The following DOCK1 variants were observed in gnomAD, a reference collection of about 807,000 sequenced individuals.
DOCK1 encodes dedicator of cytokinesis 1, also known as dedicator of cytokinesis protein 1.
A neutral mutation model predicts 262.7 loss-of-function variants in DOCK1; 138 were observed. The observed-to-expected ratio is 0.53, with a 90% CI of 0.46 to 0.61. The LOEUF (loss-of-function observed/expected upper bound fraction) is 0.61. Ranked by LOEUF, DOCK1 falls within the 20% of genes least tolerant of loss-of-function variation. The probability of loss-of-function intolerance (pLI) is 0.00; values close to 1 mark genes in which losing one functional copy is unlikely to be tolerated. For synonymous variants in DOCK1, 866 were observed against 867.4 expected, an observed-to-expected ratio of 1.00 and a Z score of 0.03; for missense variants, 1,908 against 2,370.7, an observed-to-expected ratio of 0.80 and a Z score of 4.05.
chr10:127,202,274 G>T (rs1019934612), intron 27 of DOCK1, among the ~76,000 whole-genome samples: 2 of 151,774 alleles, frequency 1.3e-5, no homozygotes, highest in Non-Finnish European at 2.9e-5. Context: ...AGTGAGCCAA[G>T]ATCGCGCCAT....
At chr10:126,932,732 C>T (rs1003076638) in intron 1 of DOCK1, among the ~76,000 whole-genome samples, 6 of 152,170 alleles carry the variant, frequency 3.9e-5, no homozygotes, top group South Asian at 2.1e-4. Context: ...TAGAGGTGGG[C>T]GCACTGGGCC....
chr10:127,393,225 T>A (rs986874030), intron 38 of DOCK1, among the ~76,000 whole-genome samples: 22 of 152,280 alleles, frequency 1.4e-4, no homozygotes, highest in African/African-American at 5.1e-4. Flanking sequence ...AGACCTCAGT[T>A]AAGCTTGGAG....
chr10:127,003,169 T>C (rs910334104), intron 10 of DOCK1, among the ~76,000 whole-genome samples: 5 of 152,104 alleles, frequency 3.3e-5, no homozygotes, highest in African/African-American at 1.2e-4. Context: ...CGTGAACCTG[T>C]GTGAACCTCT....
intron 16 of DOCK1, among the ~76,000 whole-genome samples, chr10:127,030,162 G>A (rs369685844): frequency 1.3e-5 from 2 of 152,148 alleles, no homozygotes; most frequent in African/African-American, 4.8e-5. Context: ...GTGGACTCAA[G>A]GCGGGTGGAT....
intron 27 of DOCK1, among the ~76,000 whole-genome samples, chr10:127,168,470 G>A (rs1439188641): frequency 6.6e-6 from 1 of 152,228 alleles, no homozygotes; most frequent in African/African-American, 2.4e-5. Flanking sequence ...TTTCTGTGAT[G>A]CATCTGGCCA....
chr10:127,035,539 G>A (rs2043538757), intron 18 of DOCK1, among the ~76,000 whole-genome samples: 1 of 152,088 alleles, frequency 6.6e-6, no homozygotes, highest in Non-Finnish European at 1.5e-5. Context: ...ATTGGACTTT[G>A]TCTCAAACTT....
At chr10:127,321,493 A>G (rs2062526060) in intron 29 of DOCK1, among the ~76,000 whole-genome samples, 1 of 149,902 alleles carries the variant, frequency 6.7e-6, no homozygotes, top group Non-Finnish European at 1.5e-5. Context: ...GGATTTCTTT[A>G]TAAGTGGACT....
intron 1 of DOCK1, among the ~76,000 whole-genome samples, chr10:126,929,128 A>G (rs922922732): frequency 2.6e-5 from 4 of 152,348 alleles, no homozygotes; most frequent in Non-Finnish European, 4.4e-5. Flanking sequence ...TGATTCTGCA[A>G]TCCAGGATCA....
Position 127,175,133 on chromosome 10 carries a change from G to T in DOCK1, c.2847+47369G>T. ...AAATGCTGGCTTTAGTCTCATTACA[G>T]ACTTGGGTTTGGGGCTACAGATGGA... On this transcript the variant is annotated intron_variant, in intron 27 of 51. Transcript: ENST00000623213. This position sits in a 1 kb window ranked among gnomAD's most constrained non-coding sequence, Gnocchi z 6.3. The T allele has an allele frequency of 8.0e-7, 1 of 1,249,952 alleles. No individual in the cohort carries two copies. The highest frequency in any genetic ancestry group is 1.1e-6 in the Non-Finnish European group (1 of 880,448). 77.4% of individuals were successfully genotyped at this position (1,249,952 alleles called of 1,614,324 possible).
At chr10:127,206,683 T>A (rs796247645) in intron 27 of DOCK1, among the ~76,000 whole-genome samples, 2 of 152,196 alleles carry the variant, frequency 1.3e-5, no homozygotes, top group African/African-American at 4.8e-5. Flanking sequence ...CCTCGTGTAC[T>A]TCCCAAAGAG....
intron 18 of DOCK1, among the ~76,000 whole-genome samples, 159 bp downstream of exon 18, chr10:127,032,479 G>T (rs1455067189): frequency 6.6e-6 from 1 of 152,198 alleles, no homozygotes; most frequent in Admixed American, 6.5e-5. Flanking sequence ...ATGCATAGAA[G>T]GTGGCATTTG....
chr10:127,149,360 C>A (rs1362072957), intron 27 of DOCK1, among the ~76,000 whole-genome samples: 2 of 152,106 alleles, frequency 1.3e-5, no homozygotes, highest in Non-Finnish European at 2.9e-5. Context: ...TGGTGGTTTT[C>A]CCCCCGCCTT....
chr10:126,980,382 G>C (rs2038870906), intron 3 of DOCK1, among the ~76,000 whole-genome samples: 1 of 152,038 alleles, frequency 6.6e-6, no homozygotes, highest in South Asian at 2.1e-4. Flanking sequence ...TTTCGGCAGT[G>C]AAAGGGTCTC....
At chr10:127,357,791 G>A (rs1374781998) in intron 32 of DOCK1, among the ~76,000 whole-genome samples, 1 of 152,134 alleles carries the variant, frequency 6.6e-6, no homozygotes, top group East Asian at 1.9e-4. Context: ...CTTTCAAAGT[G>A]AGGGAGGTGA....
chr10:127,020,732 TGGC>T lies in DOCK1; in HGVS notation c.1327+1898_1327+1900del, dbSNP rs2042356390. Reference sequence around the variant, plus strand: ...TGGGTGGGTCATCTGCGTTCTCTGTTGGCCGAGTAATCACTGGCCGCGCTGTGG... The same window carrying T: ...TGGGTGGGTCATCTGCGTTCTCTGTTCGAGTAATCACTGGCCGCGCTGTGG... On this transcript the variant is annotated intron_variant, in intron 13 of 51. Coordinates refer to ENST00000623213, the MANE Select transcript of DOCK1 (RefSeq NM_001290223.2). Among the ~76,000 whole-genome samples the T allele has an allele frequency of 3.3e-5, 5 of 152,252 alleles. No homozygotes were observed. In the South Asian group the frequency reaches 1.0e-3, roughly 32 times the overall value.
rs748922919 is a variant in DOCK1, at chr10:127,419,681, C to A, written c.4708C>A (p.Arg1570=). 3 of 1,604,832 alleles carry A rather than the reference C, an allele frequency of 1.9e-6. No homozygotes were observed. The highest frequency in any genetic ancestry group is 2.6e-6 in the Non-Finnish European group (3 of 1,175,610). ...ANYEKAFFTD[R]YLQEHPEAHE... ...TCTCCACCAGGCCTTCTTTACAGAC[C>A]GGTACCTGCAGGAGCACCCTGAGGC... The change falls in exon 46 of 52, where the codon CGG becomes AGG. Residue 1570 remains arginine, a synonymous_variant. Coordinates refer to ENST00000623213, the MANE Select transcript of DOCK1 (RefSeq NM_001290223.2).
chr10:127,369,646 C>T (rs978256651), intron 33 of DOCK1, among the ~76,000 whole-genome samples: 2 of 152,220 alleles, frequency 1.3e-5, no homozygotes, highest in African/African-American at 4.8e-5. Flanking sequence ...GCCTGCGATG[C>T]AGCCATGCAT....
rs1591677623 is a variant in DOCK1, at chr10:127,018,556, T to C, written c.1202-154T>C. On this transcript the variant is annotated intron_variant, in intron 12 of 51. Coordinates refer to ENST00000623213, the MANE Select transcript of DOCK1 (RefSeq NM_001290223.2). ...ATGGAGTCCCCACGACAGGCACCTT[T>C]TGCCTTGCCCCTCTCTTTCTCATAT... 4 of 1,201,630 alleles carry C rather than the reference T, an allele frequency of 3.3e-6. No homozygotes were observed. In the East Asian group the frequency reaches 1.0e-4, roughly 31 times the overall value. The allele number at this position is 1,201,630 out of a possible 1,614,324, so 74.4% of individuals were successfully genotyped here. A position where few individuals can be genotyped will look rare whatever the true frequency, so the allele number is the denominator to read the frequency against.
At chr10:127,066,218 C>T (rs4519005) in intron 23 of DOCK1, among the ~76,000 whole-genome samples, 68,994 of 151,780 alleles carry the variant, frequency 0.45, 15,828 homozygotes, top group Middle Eastern at 0.55. Flanking sequence ...GTGCCCCCGC[C>T]GCCCCCAGCT....
Sources: gnomAD v4.1 joint callset for allele counts (sites outside exome capture counted in the v4.1 genomes callset) on GRCh38, gnomAD v4.1.1 for gene constraint, Gnocchi (gnomAD v3.1) non-coding constraint, MANE v1.5 for transcripts, NCBI Gene and HGNC (gene_info 2026-07-23, HGNC 2026-07-21) for gene names.